Variants in FER1L6 observed in about 807,000 individuals in gnomAD.
FER1L6 encodes the protein fer-1 like family member 6, also known as fer-1-like protein 6.
FER1L6 carries 177 observed loss-of-function variants against 219.2 expected under a neutral mutation model. That is an observed-to-expected ratio of 0.81 (90% CI 0.71 to 0.91). FER1L6 has a LOEUF of 0.91. Ranked by LOEUF, FER1L6 falls within the 40% of genes least tolerant of loss-of-function variation. The probability of loss-of-function intolerance (pLI) is 0.00; values close to 1 mark genes in which losing one functional copy is unlikely to be tolerated. For missense variants in FER1L6, 2,153 were observed against 2,259.9 expected (o/e 0.95, Z 0.96); for synonymous variants, 768 against 824.3 (o/e 0.93, Z 1.17).
chr8:123,924,543 AAAAAT>A (rs894147450), intron 1 of FER1L6, among the ~76,000 whole-genome samples: 1 of 127,028 alleles, frequency 7.9e-6, no homozygotes, highest in African/African-American at 3.1e-5. Flanking sequence ...TCAAAAAAAA[AAAAAT>A]AAATAAATAA....
In FER1L6 at chr8:124,066,448, G is replaced by A. The variant is rs1200111047; in HGVS notation, c.3576G>A (p.Arg1192=). The change falls in exon 27 of 41, where the codon CGG becomes CGA. Residue 1192 remains arginine, a synonymous_variant. Transcript: ENST00000522917. ...GKPKDPRKPS[R]RSTKRRKRTI... ...GCCAGGATCCCAGGAAGCCTTCCCG[G>A]AGGTCCACTAAGAGGAGAAAGAGGA... is the stretch of plus-strand genomic sequence containing the variant. 6.2e-7 allele frequency: 1 copy of A among 1,613,876 alleles called. No homozygotes were observed. The highest frequency in any genetic ancestry group is 2.2e-5 in the East Asian group (1 of 44,852).
At chr8:123,905,761 G>A (rs185501816) in intron 1 of FER1L6, among the ~76,000 whole-genome samples, 1 of 152,198 alleles carries the variant, frequency 6.6e-6, no homozygotes, top group Non-Finnish European at 1.5e-5. Context: ...CTTAACAAAT[G>A]TAGCTATTAT....
chr8:123,853,104 A>G lies in FER1L6; in HGVS notation c.-8+919A>G, dbSNP rs546789852. Among the ~76,000 whole-genome samples, 154 of 152,278 alleles carry G rather than the reference A, an allele frequency of 1.0e-3. No individual in the cohort carries two copies. The highest frequency in any genetic ancestry group is 3.6e-3 in the African/African-American group (149 of 41,538). ...AGCGATCCTCCTGCCTCAGCCTTCC[A>G]AAGTGCTCGGATTACGTGCGTGAGC... On this transcript the variant is annotated intron_variant, in intron 1 of 40. Coordinates refer to ENST00000522917, the MANE Select transcript of FER1L6 (RefSeq NM_001039112.2). The surrounding 1 kb of genome is among the most constrained non-coding windows in gnomAD (Gnocchi z 6.6).
intron 1 of FER1L6, among the ~76,000 whole-genome samples, chr8:123,947,307 G>A (rs909193560): frequency 1.3e-5 from 2 of 152,004 alleles, no homozygotes; most frequent in African/African-American, 4.8e-5. Flanking sequence ...AAAAGGAAGT[G>A]ATTTTAAGAA....
chr8:124,091,386 T>C (rs1417688825), intron 33 of FER1L6, 37 bp from the exon 34 acceptor site: 4 of 1,589,964 alleles, frequency 2.5e-6, no homozygotes. Flanking sequence ...GTTCTTTAAG[T>C]GAGGACCTCA....
chr8:124,107,964 T>A (rs989764601), intron 39 of FER1L6, among the ~76,000 whole-genome samples: 1 of 152,200 alleles, frequency 6.6e-6, no homozygotes, highest in Non-Finnish European at 1.5e-5. Context: ...GTTAAAAGTT[T>A]TAAAAGCTTT....
At chr8:124,106,373 TTATGA>T (rs1356578685) in intron 39 of FER1L6, among the ~76,000 whole-genome samples, 7 of 145,416 alleles carry the variant, frequency 4.8e-5, no homozygotes, top group African/African-American at 1.5e-4. Context: ...AGAGTGGACG[TTATGA>T]TATATGAATT....
chr8:124,064,458 C>G lies in FER1L6; in HGVS notation c.3440C>G (p.Pro1147Arg). Reference sequence around the variant, plus strand: ...GTTGAGCCACCTCCCACAGTGGTGCCCGACTCTGCCCAGGCCCAGCCGGCC... The same window carrying G: ...GTTGAGCCACCTCCCACAGTGGTGCGCGACTCTGCCCAGGCCCAGCCGGCC... ...VDVEPPPTVV[P>R]DSAQAQPAIL... The change falls in exon 26 of 41, where the codon CCC becomes CGC. Residue 1147 changes from proline to arginine, a missense_variant. Transcript: ENST00000522917. 1.2e-6 allele frequency: 2 copies of G among 1,613,980 alleles called. No homozygotes were observed.
At chr8:123,961,772 G>A (rs913360088) in intron 2 of FER1L6, among the ~76,000 whole-genome samples, 2 of 152,060 alleles carry the variant, frequency 1.3e-5, no homozygotes, top group African/African-American at 4.8e-5. Flanking sequence ...ATTAGAATTA[G>A]GCCCTATATG....
intron 1 of FER1L6, among the ~76,000 whole-genome samples, chr8:123,934,843 G>T (rs1302591529): frequency 6.6e-6 from 1 of 152,152 alleles, no homozygotes; most frequent in Non-Finnish European, 1.5e-5. Flanking sequence ...GAGTTCTCAT[G>T]AGATCTGATG....
chr8:123,940,668 G>A (rs923495108), intron 1 of FER1L6, among the ~76,000 whole-genome samples: 1 of 152,132 alleles, frequency 6.6e-6, no homozygotes, highest in Non-Finnish European at 1.5e-5. Flanking sequence ...TTTGTAATAT[G>A]ATCTGTCTTT....
intron 33 of FER1L6, among the ~76,000 whole-genome samples, chr8:124,084,387 T>C (rs1243397364): frequency 5.3e-5 from 8 of 152,136 alleles, no homozygotes; most frequent in Admixed American, 5.2e-4. Context: ...TGATCCTAGC[T>C]GTGGGTCTGT....
intron 18 of FER1L6, among the ~76,000 whole-genome samples, chr8:124,029,181 G>A (rs191512637): frequency 1.6e-4 from 25 of 152,222 alleles, no homozygotes; most frequent in African/African-American, 6.0e-4. Context: ...GTCTATCATC[G>A]ATGGGCATTT....
intron 1 of FER1L6, among the ~76,000 whole-genome samples, chr8:123,877,411 G>A (rs1012685191): frequency 6.6e-6 from 1 of 152,168 alleles, no homozygotes; most frequent in Non-Finnish European, 1.5e-5. Context: ...TGAAGGTCCT[G>A]GACTCACATG....
intron 34 of FER1L6, among the ~76,000 whole-genome samples, chr8:124,094,453 T>G (rs1364864955): frequency 6.6e-6 from 1 of 152,082 alleles, no homozygotes; most frequent in African/African-American, 2.4e-5. Flanking sequence ...TTTTTCTTTT[T>G]CGGTTTTTCT....
intron 35 of FER1L6, 70 bp from the exon 36 acceptor site, chr8:124,097,201 T>C (rs1305055851): frequency 1.3e-5 from 15 of 1,129,364 alleles, no homozygotes; most frequent in Non-Finnish European, 1.7e-5. Context: ...TATAAAACCA[T>C]GAATTATCAA....
intron 1 of FER1L6, among the ~76,000 whole-genome samples, chr8:123,936,473 T>C (rs868521238): frequency 7.7e-6 from 1 of 129,648 alleles, no homozygotes; most frequent in South Asian, 3.0e-4. Flanking sequence ...TTTTTTTTTT[T>C]TTTTTTTTTT....
At chr8:123,969,775 A>G (rs1815710479) in intron 5 of FER1L6, among the ~76,000 whole-genome samples, 1 of 149,998 alleles carries the variant, frequency 6.7e-6, no homozygotes, top group African/African-American at 2.5e-5. Context: ...CTGAGATGGG[A>G]GGATTACTTG....
intron 12 of FER1L6, among the ~76,000 whole-genome samples, chr8:124,000,934 G>C (rs1817380676): frequency 6.6e-6 from 1 of 152,206 alleles, no homozygotes; most frequent in East Asian, 1.9e-4. Flanking sequence ...ACCCAGGAGG[G>C]TTAGCTCTAA....
Sources: gnomAD v4.1 joint callset for allele counts (sites outside exome capture counted in the v4.1 genomes callset) on GRCh38, gnomAD v4.1.1 for gene constraint, Gnocchi (gnomAD v3.1) non-coding constraint, MANE v1.5 for transcripts, NCBI Gene and HGNC (gene_info 2026-07-23, HGNC 2026-07-21) for gene names.